The following ADAMTS3 variants were observed in gnomAD, a reference collection of about 807,000 sequenced individuals.
ADAMTS3 encodes ADAM metallopeptidase with thrombospondin type 1 motif 3.
Under a neutral mutation model 129.0 loss-of-function variants are expected in ADAMTS3, and 73 were observed. That is an observed-to-expected ratio of 0.57 (90% CI 0.47 to 0.69). The LOEUF (loss-of-function observed/expected upper bound fraction) is 0.69. Among genes scored for constraint, ADAMTS3 ranks in the 30% least tolerant of loss-of-function variants. The pLI is 0.00. For missense variants in ADAMTS3, 1,457 were observed against 1,514.5 expected (o/e 0.96, Z 0.63); for synonymous variants, 477 against 510.8 (o/e 0.93, Z 0.89).
chr4:72,302,556 G>A (rs1373100927), intron 17 of ADAMTS3, among the ~76,000 whole-genome samples: 1 of 151,998 alleles, frequency 6.6e-6, no homozygotes, highest in Non-Finnish European at 1.5e-5. Flanking sequence ...AGAAAGATGG[G>A]GTGGGGGTGA....
intron 4 of ADAMTS3, among the ~76,000 whole-genome samples, chr4:72,347,126 G>T (rs1319765654): frequency 6.6e-6 from 1 of 152,040 alleles, no homozygotes; most frequent in Non-Finnish European, 1.5e-5. Context: ...TAAGTTTAAT[G>T]CTAGAAGAGG....
At chr4:72,329,014 T>C (rs1227599657) in intron 5 of ADAMTS3, among the ~76,000 whole-genome samples, 1 of 152,110 alleles carries the variant, frequency 6.6e-6, no homozygotes, top group East Asian at 1.9e-4. Context: ...TCATCTCCAT[T>C]CTCATATTAA....
At chr4:72,284,658 T>G (rs1219901116) in intron 21 of ADAMTS3, among the ~76,000 whole-genome samples, 1 of 152,188 alleles carries the variant, frequency 6.6e-6, no homozygotes, top group Non-Finnish European at 1.5e-5. Flanking sequence ...GTAATTTCAT[T>G]GAATTGACAG....
Position 72,312,324 on chromosome 4 carries a change from T to C in ADAMTS3, c.1888A>G (p.Lys630Glu). The part of the protein sequence containing the change: ...RNSHFEYQNT[K>E]HHWLPYEHPD... Reference sequence around the variant, plus strand: ...TGTTCATATGGCAACCAGTGGTGTTTGGTATTCTGGTATTCAAAGTGGGAG... The same window carrying C: ...TGTTCATATGGCAACCAGTGGTGTTCGGTATTCTGGTATTCAAAGTGGGAG... The change falls in exon 13 of 22, where the codon AAA (lysine) becomes GAA (glutamate). Residue 630 changes from lysine (K) to glutamate (E), a missense_variant. By Grantham distance (56) the Lys-to-Glu change is moderately conservative (BLOSUM62 1). Coordinates refer to ENST00000286657, the MANE Select transcript of ADAMTS3 (RefSeq NM_014243.3). 6.2e-7 allele frequency: 1 copy of C among 1,613,734 alleles called. No homozygotes were observed.
At chr4:72,338,308 G>A (rs916943503) in intron 5 of ADAMTS3, among the ~76,000 whole-genome samples, 1 of 152,216 alleles carries the variant, frequency 6.6e-6, no homozygotes, top group East Asian at 1.9e-4. Flanking sequence ...ATTCACAAAT[G>A]ATGATCCTCT....
intron 3 of ADAMTS3, among the ~76,000 whole-genome samples, chr4:72,489,096 C>T (rs1719666540): frequency 6.6e-6 from 1 of 151,972 alleles, no homozygotes; most frequent in South Asian, 2.1e-4. Flanking sequence ...CATGTTGTCA[C>T]AAATGGCAGG....
chr4:72,291,757 T>C (rs1242153277), intron 19 of ADAMTS3, among the ~76,000 whole-genome samples: 2 of 152,064 alleles, frequency 1.3e-5, no homozygotes, highest in Non-Finnish European at 2.9e-5. Flanking sequence ...GTCCTTTGGG[T>C]ATATACCCAG....
At chr4:72,322,948 C>A in intron 6 of ADAMTS3, 66 bp downstream of exon 6, 2 of 1,262,836 alleles carry the variant, frequency 1.6e-6, no homozygotes, top group East Asian at 2.3e-5. Context: ...GTAGCTTGAA[C>A]AATTTAGTCT....
intron 3 of ADAMTS3, among the ~76,000 whole-genome samples, chr4:72,450,023 T>G (rs974782421): frequency 2.6e-5 from 4 of 151,720 alleles, no homozygotes; most frequent in Non-Finnish European, 5.9e-5. Context: ...TTTCCACCTA[T>G]CTCTCCCTGG....
At chr4:72,428,607 T>C (rs980131998) in intron 3 of ADAMTS3, among the ~76,000 whole-genome samples, 4 of 152,066 alleles carry the variant, frequency 2.6e-5, no homozygotes, top group African/African-American at 9.7e-5. Context: ...AAAGATAAGA[T>C]TAATCCTCCT....
At chr4:72,552,597 G>C (rs1477994729) in intron 2 of ADAMTS3, among the ~76,000 whole-genome samples, 1 of 152,104 alleles carries the variant, frequency 6.6e-6, no homozygotes, top group Non-Finnish European at 1.5e-5. Context: ...AATAATTAAA[G>C]TGTCAAATCT....
chr4:72,313,876 AGTT>A, intron 11 of ADAMTS3, 54 bp from the exon 12 acceptor site: 3 of 1,599,946 alleles, frequency 1.9e-6, no homozygotes, highest in Non-Finnish European at 2.6e-6. Context: ...CTAAAGCTGA[AGTT>A]GTTATACAAG....
intron 3 of ADAMTS3, among the ~76,000 whole-genome samples, chr4:72,443,844 T>C (rs535987544): frequency 4.3e-4 from 66 of 151,802 alleles, no homozygotes; most frequent in Middle Eastern, 6.8e-3. Context: ...TCTGTGGTCA[T>C]TGAAGTGTGT....
chr4:72,406,888 T>G (rs1415577008), intron 4 of ADAMTS3, among the ~76,000 whole-genome samples: 1 of 152,140 alleles, frequency 6.6e-6, no homozygotes, highest in Non-Finnish European at 1.5e-5. Context: ...GCTGGCAGCA[T>G]TTTAGAACAC....
At chr4:72,347,591 C>A (rs1358605978) in intron 4 of ADAMTS3, among the ~76,000 whole-genome samples, 1 of 151,972 alleles carries the variant, frequency 6.6e-6, no homozygotes, top group African/African-American at 2.4e-5. Flanking sequence ...TCAGCTAAAT[C>A]ATAACTAATT....
chr4:72,471,455 A>T (rs1719069976), intron 3 of ADAMTS3, among the ~76,000 whole-genome samples: 1 of 152,114 alleles, frequency 6.6e-6, no homozygotes, highest in African/African-American at 2.4e-5. Flanking sequence ...TCTAGTATTT[A>T]GAGTGCTAGT....
In ADAMTS3 at chr4:72,323,323, G is replaced by T. The variant is rs905642411; in HGVS notation, c.862-226C>A. The T allele has an allele frequency of 2.2e-5, 11 of 505,112 alleles. No homozygotes were observed. The South Asian group carries it at 2.5e-4, about 11-fold the overall frequency. The allele number at this position is 505,112 out of a possible 1,614,324, so 31.3% of individuals were successfully genotyped here. ...ACTCCACAGTAATATGAACGTACAG[G>T]ACATGCTCAAAAGGGCTTTGTTATA... On this transcript the variant is annotated intron_variant, in intron 5 of 21. Transcript: ENST00000286657.
chr4:72,538,922 T>C (rs1395763073), intron 3 of ADAMTS3, among the ~76,000 whole-genome samples: 1 of 152,122 alleles, frequency 6.6e-6, no homozygotes, highest in African/African-American at 2.4e-5. Context: ...GAAAAGACAG[T>C]CTTTTCAACA....
chr4:72,480,925 A>G (rs1719417328), intron 3 of ADAMTS3, among the ~76,000 whole-genome samples: 1 of 152,032 alleles, frequency 6.6e-6, no homozygotes, highest in Non-Finnish European at 1.5e-5. Context: ...TAATGAATAT[A>G]TGGGAAGAAT....
Sources: gnomAD v4.1 joint callset for allele counts (sites outside exome capture counted in the v4.1 genomes callset) on GRCh38, gnomAD v4.1.1 for gene constraint, MANE v1.5 for transcripts, NCBI Gene and HGNC (gene_info 2026-07-23, HGNC 2026-07-21) for gene names.